PDE1C: variants seen among roughly 807,000 people sequenced by gnomAD.
PDE1C encodes dual specificity calcium/calmodulin-dependent 3',5'-cyclic nucleotide phosphodiesterase 1C.
Under a neutral mutation model 93.1 loss-of-function variants are expected in PDE1C, and 62 were observed. The observed-to-expected ratio is 0.67, with a 90% confidence interval of 0.54 to 0.82. PDE1C has a LOEUF of 0.82. Among genes scored for constraint, PDE1C ranks in the 40% least tolerant of loss-of-function variants. The probability of loss-of-function intolerance (pLI) is 0.00; values close to 1 mark genes in which losing one functional copy is unlikely to be tolerated. For missense variants in PDE1C, 742 were observed against 884.6 expected (o/e 0.84, Z 2.04); for synonymous variants, 325 against 310.1 (o/e 1.05, Z -0.50).
At chr7:32,035,570 T>C (rs1790955291) in intron 2 of PDE1C, among the ~76,000 whole-genome samples, 1 of 152,200 alleles carries the variant, frequency 6.6e-6, no homozygotes, top group Non-Finnish European at 1.5e-5. Context: ...AGAAATTATA[T>C]TTTCTGATCA....
Position 32,426,072 on chromosome 7 carries a change from A to G in PDE1C, c.310+1750T>C, listed in dbSNP as rs146053463. On this transcript the variant is annotated intron_variant, in intron 1 of 1. Transcript: ENST00000672256. Reference sequence around the variant, plus strand: ...AAATATATATATTAATGAGTTTCACAAAGGAAGCCCATGTTTCATCCTATA... The same window carrying G: ...AAATATATATATTAATGAGTTTCACGAAGGAAGCCCATGTTTCATCCTATA... 1.4e-3 allele frequency among the ~76,000 whole-genome samples: 214 copies of G among 152,320 alleles called. 1 individual carries two copies. The highest frequency in any genetic ancestry group is 4.8e-3 in the African/African-American group (198 of 41,570).
chr7:31,635,029 GC>G, the PDE1C span, among the ~76,000 whole-genome samples: 1 of 152,112 alleles, frequency 6.6e-6, no homozygotes, highest in African/African-American at 2.4e-5. Context: ...ATGCCATATT[GC>G]CTTCCCTAAA....
intron 11 of PDE1C, among the ~76,000 whole-genome samples, chr7:31,834,818 T>G (rs1188689298): frequency 6.6e-6 from 1 of 152,006 alleles, no homozygotes; most frequent in East Asian, 1.9e-4. Context: ...GAAGGTATGA[T>G]TGGTTTTGAA....
At chr7:32,103,592 A>G (rs1342807137) in intron 3 of PDE1C, among the ~76,000 whole-genome samples, 1 of 152,218 alleles carries the variant, frequency 6.6e-6, no homozygotes, top group African/African-American at 2.4e-5. Context: ...CAACTGCCCT[A>G]CAGGAAACAG....
the PDE1C span, among the ~76,000 whole-genome samples, chr7:31,618,834 G>T: frequency 6.6e-6 from 1 of 152,140 alleles, no homozygotes; most frequent in Non-Finnish European, 1.5e-5. Flanking sequence ...ATTATATGCC[G>T]CAAATATAAG....
At chr7:31,686,045 G>A in the PDE1C span, among the ~76,000 whole-genome samples, 3 of 152,228 alleles carry the variant, frequency 2.0e-5, no homozygotes, top group Non-Finnish European at 1.5e-5. Flanking sequence ...TGGCAAGCAG[G>A]CAGTTGAAAC....
chr7:32,013,483 G>A (rs1422711336), intron 2 of PDE1C, among the ~76,000 whole-genome samples: 1 of 152,216 alleles, frequency 6.6e-6, no homozygotes, highest in African/African-American at 2.4e-5. Flanking sequence ...CTACTGCTGT[G>A]TCTGGTTTCC....
chr7:32,060,836 G>T (rs1794717923), intron 1 of PDE1C, among the ~76,000 whole-genome samples: 1 of 152,056 alleles, frequency 6.6e-6, no homozygotes, highest in South Asian at 2.1e-4. Flanking sequence ...AATGAGCTAG[G>T]AAAGGCCTTA....
intron 2 of PDE1C, among the ~76,000 whole-genome samples, chr7:31,932,262 T>G (rs529097808): frequency 3.5e-4 from 53 of 152,142 alleles, no homozygotes; most frequent in Admixed American, 2.3e-3. Flanking sequence ...AAAGAAACTA[T>G]CATCAGAGTG....
At chr7:32,255,756 A>G (rs1585036796) in intron 1 of PDE1C, among the ~76,000 whole-genome samples, 1 of 152,324 alleles carries the variant, frequency 6.6e-6, no homozygotes, top group Non-Finnish European at 1.5e-5. Context: ...GAGGCAGAAC[A>G]ATAGGTGGCA....
At chr7:31,869,771 T>C (rs754531219) in intron 6 of PDE1C, among the ~76,000 whole-genome samples, 2 of 152,082 alleles carry the variant, frequency 1.3e-5, no homozygotes, top group Non-Finnish European at 2.9e-5. Flanking sequence ...ATGGACCTAA[T>C]AGACACTTAC....
At chr7:32,092,558 C>T (rs17423498) in intron 3 of PDE1C, among the ~76,000 whole-genome samples, 17,905 of 152,170 alleles carry the variant, frequency 0.12, 1,260 homozygotes, top group Middle Eastern at 0.17. Flanking sequence ...ACATGTTGAG[C>T]CATCAGCTCT....
chr7:32,412,204 C>G (rs1007846625), intron 1 of PDE1C, among the ~76,000 whole-genome samples: 1 of 152,118 alleles, frequency 6.6e-6, no homozygotes, highest in African/African-American at 2.4e-5. Context: ...CCTGTAATCT[C>G]AGCACTTTGG....
the PDE1C span, chr7:31,687,125 C>T: frequency 6.6e-6 from 1 of 152,326 alleles, no homozygotes; most frequent in African/African-American, 2.4e-5. Context: ...TTCTCCATCC[C>T]CCTTGCCCTG....
At chr7:32,312,804 G>T (rs1220401342) in intron 1 of PDE1C, among the ~76,000 whole-genome samples, 4 of 152,088 alleles carry the variant, frequency 2.6e-5, no homozygotes, top group African/African-American at 9.7e-5. Context: ...AAAAACCCTA[G>T]AAGAAAACCT....
chr7:32,374,160 GAGAAAGAAAGAAAGAA>G (rs764590020), intron 1 of PDE1C, among the ~76,000 whole-genome samples: 70 of 38,898 alleles, frequency 1.8e-3, no homozygotes, highest in Middle Eastern at 0.014. Context: ...AAGAAAGAAA[GAGAAAGAAAGAAAGAA>G]AGAAAGAAAG....
At chr7:31,978,737 T>C (rs1173517472) in intron 2 of PDE1C, among the ~76,000 whole-genome samples, 2 of 152,140 alleles carry the variant, frequency 1.3e-5, no homozygotes, top group Admixed American at 1.3e-4. Context: ...AACTCCACTT[T>C]TCAACAGAAA....
intron 3 of PDE1C, among the ~76,000 whole-genome samples, chr7:32,167,042 G>A (rs763055598): frequency 1.3e-5 from 2 of 152,026 alleles, no homozygotes; most frequent in Non-Finnish European, 2.9e-5. Context: ...AAATAAGAAC[G>A]GCTATTGCTG....
chr7:32,104,898 C>A (rs1268356011), intron 3 of PDE1C, among the ~76,000 whole-genome samples: 1 of 152,130 alleles, frequency 6.6e-6, no homozygotes, highest in East Asian at 1.9e-4. Flanking sequence ...CAGAAGGAAC[C>A]CTTCAAACAT....
Sources: allele counts gnomAD v4.1 joint callset (sites outside exome capture counted in the v4.1 genomes callset), GRCh38; gene constraint gnomAD v4.1.1; transcripts MANE v1.5; gene names NCBI Gene and HGNC (gene_info 2026-07-23, HGNC 2026-07-21).